CTNNBL1: variants seen among roughly 807,000 people sequenced by gnomAD.
The protein encoded by CTNNBL1 is catenin beta like 1, also known as beta-catenin-like protein 1.
CTNNBL1 carries 31 observed loss-of-function variants against 72.7 expected under a neutral mutation model. That is an observed-to-expected ratio of 0.43 (90% CI 0.32 to 0.58). CTNNBL1 has a LOEUF of 0.58. Ranked by LOEUF, CTNNBL1 falls within the 20% of genes least tolerant of loss-of-function variation. CTNNBL1 has a pLI of 0.08. For synonymous variants in CTNNBL1, 240 were observed against 267.3 expected, an observed-to-expected ratio of 0.90 and a Z score of 1.00; for missense variants, 534 against 725.1, an observed-to-expected ratio of 0.74 and a Z score of 3.03.
chr20:37,827,207 C>T (rs1293402372), intron 11 of CTNNBL1, among the ~76,000 whole-genome samples: 1 of 152,138 alleles, frequency 6.6e-6, no homozygotes, highest in Non-Finnish European at 1.5e-5. Context: ...GGTAGTATTC[C>T]AGTGTGTGGA....
At position 37,697,090 on chromosome 20, in the gene CTNNBL1, G is replaced by C. The variant is rs567676219; in HGVS notation, c.30+2938G>C. On this transcript the variant is annotated intron_variant, in intron 1 of 15. Coordinates refer to ENST00000361383, the MANE Select transcript of CTNNBL1 (RefSeq NM_030877.5). The stretch of plus-strand genomic sequence containing the variant: ...CCCAGCTACTTGGGAGGCTGAGGCA[G>C]GAGAATTGCTTGAACCTGGGAGGTA... 2.2e-3 allele frequency among the ~76,000 whole-genome samples: 333 copies of C among 152,144 alleles called. 1 individual carries two copies. Among genetic ancestry groups the C allele is most frequent in the Non-Finnish European group, 3.9e-3 (265 of 68,006 alleles).
intron 10 of CTNNBL1, among the ~76,000 whole-genome samples, chr20:37,787,062 C>T (rs1044663238): frequency 6.6e-6 from 1 of 150,604 alleles, no homozygotes; most frequent in African/African-American, 2.4e-5. Context: ...TTTGTTTAGT[C>T]TCTAACTATG....
chr20:37,794,047 G>A (rs1277993620), intron 10 of CTNNBL1, among the ~76,000 whole-genome samples: 1 of 151,768 alleles, frequency 6.6e-6, no homozygotes, highest in Non-Finnish European at 1.5e-5. Context: ...CCAAACTGCT[G>A]GGATTATAGG....
At chr20:37,726,939 C>T (rs2073090396) in intron 1 of CTNNBL1, among the ~76,000 whole-genome samples, 1 of 151,730 alleles carries the variant, frequency 6.6e-6, no homozygotes, top group South Asian at 2.1e-4. Flanking sequence ...TCTCTTTTTT[C>T]CCCACTGCCC....
chr20:37,706,318 A>G (rs140448364), intron 1 of CTNNBL1, among the ~76,000 whole-genome samples: 1 of 152,368 alleles, frequency 6.6e-6, no homozygotes, highest in African/African-American at 2.4e-5. Flanking sequence ...GCTGTTTCAT[A>G]GCGTTTTACC....
chr20:37,864,039 C>A (rs955098367), intron 15 of CTNNBL1, among the ~76,000 whole-genome samples: 1 of 152,096 alleles, frequency 6.6e-6, no homozygotes, highest in African/African-American at 2.4e-5. Flanking sequence ...GAACAGGGTG[C>A]TGCAAGGACC....
intron 11 of CTNNBL1, among the ~76,000 whole-genome samples, chr20:37,829,096 G>A (rs571257603): frequency 6.6e-6 from 1 of 152,202 alleles, no homozygotes; most frequent in South Asian, 2.1e-4. Context: ...AAACCAGGAC[G>A]TCTGTCCATC....
intron 11 of CTNNBL1, among the ~76,000 whole-genome samples, chr20:37,822,600 G>A (rs1207632319): frequency 5.3e-5 from 8 of 152,170 alleles, no homozygotes; most frequent in Non-Finnish European, 8.8e-5. Context: ...GCTAAGCAGC[G>A]CCCTGGAAAG....
At chr20:37,695,192 A>C (rs1456796414) in intron 1 of CTNNBL1, among the ~76,000 whole-genome samples, 1 of 152,180 alleles carries the variant, frequency 6.6e-6, no homozygotes, top group Non-Finnish European at 1.5e-5. Flanking sequence ...AATATACTTA[A>C]TTAATTTTTA....
rs1203256418 is a variant in CTNNBL1 at position 37,840,196 on chromosome 20, G to A, written c.1308G>A (p.Glu436=). The A allele has an allele frequency of 2.5e-6, 4 of 1,606,350 alleles. No individual in the cohort carries two copies. In the Admixed American group the frequency reaches 5.0e-5, roughly 20 times the overall value. Residue 436 remains glutamate (E), a synonymous_variant, in exon 12 of 16, where the codon GAG becomes GAA. Transcript: ENST00000361383. ...LLNKFTENDS[E]KVDRLMELHF... is the part of the protein sequence containing the mutation. ...ATAAATTCACTGAAAATGACAGTGA[G>A]AAGGTGGGTGACTGTTGGACTGTAA...
At chr20:37,777,837 G>A in intron 9 of CTNNBL1, 125 bp downstream of exon 9, 1 of 960,978 alleles carries the variant, frequency 1.0e-6, no homozygotes, top group Non-Finnish European at 1.7e-6. Flanking sequence ...ATGTTGGCAG[G>A]TTTGAGGGTT....
chr20:37,825,380 A>G (rs951556954), intron 11 of CTNNBL1, among the ~76,000 whole-genome samples: 1 of 151,202 alleles, frequency 6.6e-6, no homozygotes, highest in Admixed American at 6.6e-5. Context: ...AATAAAATAA[A>G]AAGAGAAACT....
intron 1 of CTNNBL1, among the ~76,000 whole-genome samples, chr20:37,697,588 C>A (rs1164601314): frequency 6.6e-6 from 1 of 152,180 alleles, no homozygotes; most frequent in African/African-American, 2.4e-5. Context: ...ACGATAAAGA[C>A]CTTGACTTTG....
chr20:37,860,219 G>A, intron 14 of CTNNBL1, 53 bp from the exon 15 acceptor site: 1 of 1,528,566 alleles, frequency 6.5e-7, no homozygotes, highest in Non-Finnish European at 9.1e-7. Context: ...ACATTCTGGT[G>A]TGTCAGGACA....
intron 2 of CTNNBL1, 148 bp downstream of exon 2, chr20:37,733,215 A>G: frequency 2.9e-6 from 2 of 684,480 alleles, no homozygotes; most frequent in Non-Finnish European, 4.9e-6. Flanking sequence ...GTGAAGGTTA[A>G]GTGGGCTAGT....
intron 11 of CTNNBL1, among the ~76,000 whole-genome samples, chr20:37,810,235 C>A (rs1344477983): frequency 6.6e-6 from 1 of 151,926 alleles, no homozygotes; most frequent in Non-Finnish European, 1.5e-5. Context: ...ATCAGGCAGC[C>A]CATCTGGTGA....
At chr20:37,700,647 T>G (rs148847615) in intron 1 of CTNNBL1, among the ~76,000 whole-genome samples, 7,896 of 152,260 alleles carry the variant, frequency 0.052, 275 homozygotes, top group Non-Finnish European at 0.063. Context: ...TCAAGAAGTG[T>G]GCCCAGCAGT....
intron 11 of CTNNBL1, among the ~76,000 whole-genome samples, chr20:37,832,790 C>CT (rs200142358): frequency 1.9e-4 from 28 of 148,238 alleles, no homozygotes; most frequent in East Asian, 3.9e-4. Context: ...GTGGACCATA[C>CT]TTTTTTTTTT....
At chr20:37,731,845 T>C (rs2073131591) in intron 1 of CTNNBL1, among the ~76,000 whole-genome samples, 1 of 152,216 alleles carries the variant, frequency 6.6e-6, no homozygotes, top group Non-Finnish European at 1.5e-5. Context: ...TGCTTCCATA[T>C]CTTAGCTATT....
Sources: gnomAD v4.1 joint callset for allele counts (sites outside exome capture counted in the v4.1 genomes callset) on GRCh38, gnomAD v4.1.1 for gene constraint, MANE v1.5 for transcripts, NCBI Gene and HGNC (gene_info 2026-07-23, HGNC 2026-07-21) for gene names.